Variants in DYNC1H1 observed in about 807,000 individuals in gnomAD.
DYNC1H1 encodes the protein dynein cytoplasmic 1 heavy chain 1.
In DYNC1H1, 51 loss-of-function variants were observed where a neutral mutation model predicts 527.1. The observed-to-expected ratio is 0.10, with a 90% CI of 0.08 to 0.12. DYNC1H1 has a LOEUF of 0.12. Among genes scored for constraint, DYNC1H1 ranks in the 10% least tolerant of loss-of-function variants. The pLI, the probability that DYNC1H1 is intolerant of heterozygous loss-of-function variation, is 1.00. For missense variants in DYNC1H1, 2,771 were observed against 5,971.8 expected, an observed-to-expected ratio of 0.46 and a Z score of 17.66; for synonymous variants, 2,189 against 2,278.8, an observed-to-expected ratio of 0.96 and a Z score of 1.12.
In DYNC1H1 at chr14:102,053,354, CT is replaced by C. The variant is rs1392700159; in HGVS notation, c.*2792del. 6.6e-6 allele frequency: 1 copy of C among 151,894 alleles called. No individual in the cohort carries two copies. The highest frequency in any genetic ancestry group is 1.5e-5 in the Non-Finnish European group (1 of 68,008). 9.4% of individuals were successfully genotyped at this position (151,894 alleles called of 1,614,324 possible). On this transcript the variant is annotated 3_prime_UTR_variant, in exon 78 of 78. Coordinates refer to ENST00000360184, the MANE Select transcript of DYNC1H1 (RefSeq NM_001376.5). ...TATTGGTCAGGCTGGTCTTGAACTCCTGACTCAGGTGATCCACCCGCCTCAG... is the reference window on the plus strand; with the variant it reads ...TATTGGTCAGGCTGGTCTTGAACTCCGACTCAGGTGATCCACCCGCCTCAG...
Position 102,016,628 on chromosome 14 carries a change from A to C in DYNC1H1, c.7615-138A>C. The C allele has an allele frequency of 1.3e-6, 2 of 1,555,572 alleles. No individual in the cohort carries two copies. The highest frequency in any genetic ancestry group is 1.8e-6 in the Non-Finnish European group (2 of 1,136,334). ...AGAAGGACTTTATCCTTTTAGTTCC[A>C]TGTGTTAGCAAAGAGTGCAGATTAA... On this transcript the variant is annotated intron_variant, in intron 37 of 77. Transcript: ENST00000360184. The surrounding 1 kb of genome is among the most constrained non-coding windows in gnomAD (Gnocchi z 7.3).
Position 102,044,429 on chromosome 14 carries a change from T to G in DYNC1H1, c.12840T>G (p.Ser4280Arg), listed in dbSNP as rs1303329380. The change falls in exon 71 of 78, where the codon AGT becomes AGG. Residue 4280 changes from serine to arginine, a missense_variant. Physicochemically the swap from Ser to Arg is moderately radical, Grantham distance 110. Transcript: ENST00000360184. This position sits in a 1 kb window ranked among gnomAD's most constrained non-coding sequence, Gnocchi z 7.1. ...TGTTCACAACCAGGAGTTTCGACAG[T>G]GAGTTTAAGCTGGCATGCAAGGTCG... is the stretch of plus-strand genomic sequence containing the variant. The part of the protein sequence containing the change: ...ERLFTTRSFD[S>R]EFKLACKVDG... 2 of 1,613,994 alleles carry G rather than the reference T, an allele frequency of 1.2e-6. No individual in the cohort carries two copies. The highest frequency in any genetic ancestry group is 1.7e-6 in the Non-Finnish European group (2 of 1,179,986).
rs2048080798 is a variant in DYNC1H1, at chr14:101,997,782, C to A, written c.3804+508C>A. Among the ~76,000 whole-genome samples, 1 of 152,150 alleles carries A rather than the reference C, an allele frequency of 6.6e-6. No homozygotes were observed. Among genetic ancestry groups the A allele is most frequent in the African/African-American group, 2.4e-5 (1 of 41,432 alleles). On this transcript the variant is annotated intron_variant, in intron 16 of 77. Coordinates refer to ENST00000360184, the MANE Select transcript of DYNC1H1 (RefSeq NM_001376.5). The surrounding 1 kb of genome is among the most constrained non-coding windows in gnomAD (Gnocchi z 4.8). ...TATTGAGCACCGACTGTGTTCCAGG[C>A]CTTGTTCTAGGTCATTGAGATATAG...
chr14:101,972,947 CT>C (rs1158082429), intron 1 of DYNC1H1, among the ~76,000 whole-genome samples: 1 of 152,114 alleles, frequency 6.6e-6, no homozygotes, highest in African/African-American at 2.4e-5. Flanking sequence ...ATTCTCTATG[CT>C]TACATTTTAC....
Position 102,050,458 on chromosome 14 carries a change from C to T in DYNC1H1, c.13836C>T (p.Asn4612=). The part of the protein sequence containing the change: ...ASVVTLPVYL[N]FTRADLIFTV... The stretch of plus-strand genomic sequence containing the variant: ...AGGTAACCTTACCTGTCTACCTGAA[C>T]TTCACCCGTGCAGACCTCATCTTCA... The change falls in exon 78 of 78, where the codon AAC becomes AAT. Residue 4612 remains asparagine (N), a synonymous_variant. Coordinates refer to ENST00000360184, the MANE Select transcript of DYNC1H1 (RefSeq NM_001376.5). The T allele has an allele frequency of 6.2e-7, 1 of 1,614,220 alleles. No individual in the cohort carries two copies. Among genetic ancestry groups the T allele is most frequent in the Non-Finnish European group, 8.5e-7 (1 of 1,180,048 alleles).
At position 102,038,606 on chromosome 14, in the gene DYNC1H1, T is replaced by C. The variant is rs1232517452; in HGVS notation, c.11055T>C (p.Thr3685=). 6.2e-7 allele frequency: 1 copy of C among 1,614,184 alleles called. No homozygotes were observed. The change falls in exon 58 of 78, where the codon ACT becomes ACC. Residue 3685 remains threonine, a splice_region_variant and synonymous_variant. Transcript: ENST00000360184. This position sits in a 1 kb window ranked among gnomAD's most constrained non-coding sequence, Gnocchi z 7.2. ...TCTTCCTGTCCACCCGGGATCCAAC[T>C]GTAAGGAATGGGACCCTTCCCCAGG... ...FVIFLSTRDP[T]VEFPPDLCSR... is the part of the protein sequence containing the mutation.
In DYNC1H1 at chr14:102,002,012, G is replaced by T. The variant is rs1320798779; in HGVS notation, c.4542+331G>T. On this transcript the variant is annotated intron_variant, in intron 21 of 77. Coordinates refer to ENST00000360184, the MANE Select transcript of DYNC1H1 (RefSeq NM_001376.5). This position sits in a 1 kb window ranked among gnomAD's most constrained non-coding sequence, Gnocchi z 4.4. Reference sequence around the variant, plus strand: ...GGTCTCGAACTCCTGGGCTTAAGCAGTCCTTCTGCACTGGCCTCCTAAAGT... The same window carrying T: ...GGTCTCGAACTCCTGGGCTTAAGCATTCCTTCTGCACTGGCCTCCTAAAGT... Among the ~76,000 whole-genome samples, 1 of 151,826 alleles carries T rather than the reference G, an allele frequency of 6.6e-6. No individual in the cohort carries two copies. The highest frequency in any genetic ancestry group is 1.5e-5 in the Non-Finnish European group (1 of 67,970).
rs1176437624 is a variant in DYNC1H1 at position 101,973,868 on chromosome 14, A to T, written c.257-1844A>T. Among the ~76,000 whole-genome samples the T allele has an allele frequency of 3.3e-5, 5 of 152,206 alleles. 1 individual carries two copies. The East Asian group carries it at 9.6e-4, about 29-fold the overall frequency. ...GAAGGAGCAAGATTTTTAAAACAAT[A>T]GCTAAGGAAGCAAATAGCTTTTGCT... On this transcript the variant is annotated intron_variant, in intron 1 of 77. Transcript: ENST00000360184.
In DYNC1H1 at chr14:101,983,539, A is replaced by C; in HGVS notation, c.1391A>C (p.Asp464Ala). 1 of 1,614,194 alleles carries C rather than the reference A, an allele frequency of 6.2e-7. No individual in the cohort carries two copies. The highest frequency in any genetic ancestry group is 8.5e-7 in the Non-Finnish European group (1 of 1,180,046). Residue 464 changes from aspartate (D) to alanine (A), a missense_variant, in exon 7 of 78, where the codon GAC becomes GCC. Physicochemically the swap from Asp to Ala is moderately radical, Grantham distance 126 (BLOSUM62 -2). Around this residue, in one of 32 missense-constraint regions of DYNC1H1, gnomAD observed 264 missense variants for 619.4 expected, o/e 0.43. Coordinates refer to ENST00000360184, the MANE Select transcript of DYNC1H1 (RefSeq NM_001376.5). The surrounding 1 kb of genome is among the most constrained non-coding windows in gnomAD (Gnocchi z 5.3). ...PAHRKLQARL[D>A]QMRKFRRQHE... ...CACAGGAAGCTGCAGGCCCGCCTTGACCAGATGAGAAAATTTAGACGCCAG... is the reference window on the plus strand; with the variant it reads ...CACAGGAAGCTGCAGGCCCGCCTTGCCCAGATGAGAAAATTTAGACGCCAG...
chr14:102,030,412 G>A (rs2048497474), intron 51 of DYNC1H1, 130 bp downstream of exon 51: 1 of 1,385,366 alleles, frequency 7.2e-7, no homozygotes, highest in Non-Finnish European at 1.0e-6. Context: ...AATATCATTA[G>A]TAACCATCTG....
chr14:102,030,593 TTATC>T, intron 51 of DYNC1H1: 1 of 352,912 alleles, frequency 2.8e-6, no homozygotes. Context: ...AGTATGCTAT[TTATC>T]AATCCCTGAC....
intron 23 of DYNC1H1, among the ~76,000 whole-genome samples, chr14:102,004,037 C>A (rs1031863721): frequency 1.3e-5 from 2 of 151,742 alleles, no homozygotes; most frequent in Admixed American, 6.6e-5. Flanking sequence ...GTCAGGAGAT[C>A]GAGACCATCC....
intron 41 of DYNC1H1, among the ~76,000 whole-genome samples, chr14:102,019,216 CA>C (rs1567013804): frequency 1.3e-5 from 2 of 152,242 alleles, no homozygotes; most frequent in Non-Finnish European, 2.9e-5. Context: ...ACGCCTCCAC[CA>C]GCAGCACCCG....
intron 2 of DYNC1H1, among the ~76,000 whole-genome samples, chr14:101,977,220 C>T (rs1454738285): frequency 6.6e-6 from 1 of 152,190 alleles, no homozygotes; most frequent in East Asian, 1.9e-4. Flanking sequence ...CCAGATTTTC[C>T]ACTTTTCAGA....
rs17541095 is a variant in DYNC1H1, at chr14:102,010,163, A to G, written c.6221+77A>G. 2,676 of 1,612,280 alleles carry G rather than the reference A, an allele frequency of 1.7e-3. 49 individuals are homozygous for G. The Admixed American group carries it at 0.036, about 22-fold the overall frequency. ...GTCCATTTAACCTTAAAATTTTTATATGTAATGATGGTACGTCTTTCAAAA... is the reference window on the plus strand; with the variant it reads ...GTCCATTTAACCTTAAAATTTTTATGTGTAATGATGGTACGTCTTTCAAAA... On this transcript the variant is annotated intron_variant, in intron 30 of 77. Coordinates refer to ENST00000360184, the MANE Select transcript of DYNC1H1 (RefSeq NM_001376.5). This position sits in a 1 kb window ranked among gnomAD's most constrained non-coding sequence, Gnocchi z 6.0.
intron 4 of DYNC1H1, 85 bp from the exon 5 acceptor site, chr14:101,980,279 G>C: frequency 6.7e-7 from 1 of 1,500,898 alleles, no homozygotes; most frequent in East Asian, 2.3e-5. Context: ...TAAAAATTGA[G>C]TTGTAATGCA....
chr14:101,979,591 G>A lies in DYNC1H1; in HGVS notation c.518+99G>A. The A allele has an allele frequency of 6.2e-7, 1 of 1,605,996 alleles. No individual in the cohort carries two copies. Among genetic ancestry groups the A allele is most frequent in the Non-Finnish European group, 8.5e-7 (1 of 1,174,106 alleles). On this transcript the variant is annotated intron_variant, in intron 3 of 77. Coordinates refer to ENST00000360184, the MANE Select transcript of DYNC1H1 (RefSeq NM_001376.5). This position sits in a 1 kb window ranked among gnomAD's most constrained non-coding sequence, Gnocchi z 4.6. ...GGAATTGGGAGGGTAACGCTAGTGA[G>A]CCGAGGGGATATAAACCCTGTGTAT...
Position 102,002,519 on chromosome 14 carries a change from C to G in DYNC1H1, c.4543-18C>G. The G allele has an allele frequency of 6.2e-7, 1 of 1,613,820 alleles. No individual in the cohort carries two copies. The highest frequency in any genetic ancestry group is 8.5e-7 in the Non-Finnish European group (1 of 1,179,862). On this transcript the variant is annotated intron_variant, in intron 21 of 77. Transcript: ENST00000360184. The surrounding 1 kb of genome is among the most constrained non-coding windows in gnomAD (Gnocchi z 4.4). The stretch of plus-strand genomic sequence containing the variant: ...AGAAGGGTCAGCAGTTTACCTCTCC[C>G]TCCTGTCTGCCCACCAGGTTTTTGA...
intron 28 of DYNC1H1, 91 bp downstream of exon 28, chr14:102,007,199 G>T: frequency 7.3e-7 from 1 of 1,373,206 alleles, no homozygotes; most frequent in Non-Finnish European, 1.0e-6. Context: ...CAAAGCCATT[G>T]GTCTTACAGC....
Sources: gnomAD v4.1 joint callset for allele counts (sites outside exome capture counted in the v4.1 genomes callset) on GRCh38, gnomAD v4.1.1 for gene constraint, gnomAD v4.1.1 regional missense constraint, Gnocchi (gnomAD v3.1) non-coding constraint, MANE v1.5 for transcripts, NCBI Gene and HGNC (gene_info 2026-07-23, HGNC 2026-07-21) for gene names.